Variants in BCL2 observed in about 807,000 individuals in gnomAD.
The protein encoded by BCL2 is BCL2 apoptosis regulator, also known as apoptosis regulator Bcl-2.
Under a neutral mutation model 14.2 loss-of-function variants are expected in BCL2, and 1 was observed. The ratio of observed to expected loss-of-function variants is 0.07; its 90% CI spans 0.02 to 0.33. BCL2 has a LOEUF of 0.33. BCL2 is among the 10% of genes least tolerant of loss of function. The probability of loss-of-function intolerance (pLI) is 0.99; values close to 1 mark genes in which losing one functional copy is unlikely to be tolerated. For synonymous variants in BCL2, 151 were observed against 137.2 expected (o/e 1.10, Z -0.70); for missense variants, 247 against 305.9 (o/e 0.81, Z 1.44).
intron 2 of BCL2, among the ~76,000 whole-genome samples, chr18:63,196,402 TAAGTATTGATAAAG>T (rs1909445216): frequency 1.3e-5 from 2 of 152,122 alleles, no homozygotes; most frequent in Admixed American, 1.3e-4. Flanking sequence ...CAATACTAAT[TAAGTATTGATAAAG>T]AAGGAGGGGG....
At chr18:63,133,387 T>C (rs112679792) in intron 2 of BCL2, among the ~76,000 whole-genome samples, 8 of 134,486 alleles carry the variant, frequency 5.9e-5, no homozygotes, top group African/African-American at 2.2e-4. Flanking sequence ...GGCTCCCAGG[T>C]TCAAGCAATT....
At chr18:63,291,759 A>C (rs1461560600) in intron 2 of BCL2, among the ~76,000 whole-genome samples, 1 of 151,988 alleles carries the variant, frequency 6.6e-6, no homozygotes, top group Non-Finnish European at 1.5e-5. Context: ...GCGGGAAAAA[A>C]TGCTGAAAGA....
chr18:63,171,790 C>G (rs1915226574), intron 2 of BCL2, among the ~76,000 whole-genome samples: 1 of 152,168 alleles, frequency 6.6e-6, no homozygotes, highest in South Asian at 2.1e-4. Context: ...GCCTAGGTGA[C>G]AGAGCAAGAC....
At chr18:63,276,631 T>G (rs1242951329) in intron 2 of BCL2, among the ~76,000 whole-genome samples, 3 of 152,250 alleles carry the variant, frequency 2.0e-5, no homozygotes, top group African/African-American at 7.2e-5. Context: ...TGTTTAGAAC[T>G]TTACTAACAC....
intron 2 of BCL2, among the ~76,000 whole-genome samples, chr18:63,225,801 C>T (rs917047430): frequency 4.6e-5 from 7 of 152,114 alleles, no homozygotes; most frequent in Non-Finnish European, 1.0e-4. Context: ...CCATACCAGC[C>T]CCACAGCAGC....
At chr18:63,150,553 G>A (rs2144607430) in intron 2 of BCL2, among the ~76,000 whole-genome samples, 1 of 152,164 alleles carries the variant, frequency 6.6e-6, no homozygotes, top group Middle Eastern at 3.4e-3. Flanking sequence ...GCTCCCTCCA[G>A]TTTTCTCTGG....
At chr18:63,281,283 T>C (rs553964233) in intron 2 of BCL2, among the ~76,000 whole-genome samples, 19 of 152,200 alleles carry the variant, frequency 1.2e-4, no homozygotes, top group Admixed American at 7.2e-4. Flanking sequence ...AGAAACTTCA[T>C]GCCACTAAGC....
intron 2 of BCL2, among the ~76,000 whole-genome samples, chr18:63,181,187 C>T (rs1016077226): frequency 1.2e-4 from 19 of 152,134 alleles, no homozygotes; most frequent in African/African-American, 4.3e-4. Flanking sequence ...TTGGAGGATG[C>T]CAGTTTTAGA....
At chr18:63,316,189 T>C (rs1308658149) in intron 2 of BCL2, 1 of 152,380 alleles carries the variant, frequency 6.6e-6, no homozygotes, top group Non-Finnish European at 1.5e-5. Flanking sequence ...GGTAACACAC[T>C]GAAATTCAGC....
At chr18:63,215,224 C>T (rs1351170335) in intron 2 of BCL2, among the ~76,000 whole-genome samples, 1 of 152,194 alleles carries the variant, frequency 6.6e-6, no homozygotes, top group Non-Finnish European at 1.5e-5. Flanking sequence ...GAAAGACTTG[C>T]TGGTAGAAAT....
intron 2 of BCL2, among the ~76,000 whole-genome samples, chr18:63,165,422 C>A (rs1481032): frequency 0.29 from 43,879 of 151,988 alleles, 8,801 homozygotes; most frequent in African/African-American, 0.54. Context: ...ATCTTCCAGG[C>A]CCCTAGCTGC....
chr18:63,137,246 C>T (rs1914230622), intron 2 of BCL2, among the ~76,000 whole-genome samples: 1 of 152,214 alleles, frequency 6.6e-6, no homozygotes, highest in Non-Finnish European at 1.5e-5. Context: ...TTCTCCAAAT[C>T]CCTAGGTTGA....
chr18:63,310,741 C>T (rs541113712), intron 2 of BCL2, among the ~76,000 whole-genome samples: 5 of 152,348 alleles, frequency 3.3e-5, no homozygotes, highest in East Asian at 3.9e-4. Flanking sequence ...ATCACTACCC[C>T]GGTTCCTGGG....
chr18:63,138,924 G>C (rs1046977293), intron 2 of BCL2, among the ~76,000 whole-genome samples: 1 of 152,196 alleles, frequency 6.6e-6, no homozygotes, highest in African/African-American at 2.4e-5. Flanking sequence ...AGCCCAAATG[G>C]GTGCTTCCTT....
intron 2 of BCL2, among the ~76,000 whole-genome samples, chr18:63,172,815 C>T (rs1403083176): frequency 1.3e-5 from 2 of 152,034 alleles, no homozygotes; most frequent in Non-Finnish European, 2.9e-5. Context: ...ACAGTGAATT[C>T]CCATCTAAAT....
intron 2 of BCL2, among the ~76,000 whole-genome samples, chr18:63,146,361 A>G (rs1371757273): frequency 1.3e-5 from 2 of 152,242 alleles, no homozygotes; most frequent in African/African-American, 4.8e-5. Flanking sequence ...GGTCGTGGAC[A>G]CTGATGGGGA....
intron 2 of BCL2, among the ~76,000 whole-genome samples, chr18:63,249,951 C>A (rs1050441319): frequency 6.6e-6 from 1 of 152,070 alleles, no homozygotes. Context: ...CACCGAATGC[C>A]GCACCGCACA....
chr18:63,140,017 A>G (rs1285878219), intron 2 of BCL2, among the ~76,000 whole-genome samples: 1 of 152,242 alleles, frequency 6.6e-6, no homozygotes, highest in Non-Finnish European at 1.5e-5. Flanking sequence ...TTACCAGTGA[A>G]GGTACACAAA....
Position 63,318,689 on chromosome 18 carries a change from G to A in BCL2, c.-23C>T. The A allele has an allele frequency of 6.2e-7, 1 of 1,612,068 alleles. No homozygotes were observed. The highest frequency in any genetic ancestry group is 2.2e-5 in the East Asian group (1 of 44,672). Reference sequence around the variant, plus strand: ...CATCCTTCCCAGAGGAAAAGCAACGGGGGCCAACGGCACCTCTCGCCCCAG... The same window carrying A: ...CATCCTTCCCAGAGGAAAAGCAACGAGGGCCAACGGCACCTCTCGCCCCAG... On this transcript the variant is annotated 5_prime_UTR_variant, in exon 2 of 3. Transcript: ENST00000333681. This position sits in a 1 kb window ranked among gnomAD's most constrained non-coding sequence, Gnocchi z 7.4.
Sources: gnomAD v4.1 joint callset for allele counts (sites outside exome capture counted in the v4.1 genomes callset) on GRCh38, gnomAD v4.1.1 for gene constraint, Gnocchi (gnomAD v3.1) non-coding constraint, MANE v1.5 for transcripts, NCBI Gene and HGNC (gene_info 2026-07-23, HGNC 2026-07-21) for gene names.